The following THSD7A variants were observed in gnomAD, a reference collection of about 807,000 sequenced individuals.
The protein encoded by THSD7A is thrombospondin type-1 domain-containing protein 7A.
In THSD7A, 96 loss-of-function variants were observed where a neutral mutation model predicts 231.3. The ratio of observed to expected loss-of-function variants is 0.41; its 90% CI spans 0.35 to 0.49. THSD7A has a LOEUF of 0.49. Ranked by LOEUF, THSD7A falls within the 20% of genes least tolerant of loss-of-function variation. The pLI is 0.05. For missense variants in THSD7A, 2,290 were observed against 2,070.2 expected (o/e 1.11, Z -2.06); for synonymous variants, 940 against 743.3 (o/e 1.26, Z -4.30).
At chr7:11,806,166 C>T (rs893758577) in intron 1 of THSD7A, among the ~76,000 whole-genome samples, 2 of 152,118 alleles carry the variant, frequency 1.3e-5, no homozygotes, top group South Asian at 2.1e-4. Context: ...GAATAATTCA[C>T]GTAAGTCTTC....
intron 6 of THSD7A, among the ~76,000 whole-genome samples, chr7:11,528,719 C>A (rs907073762): frequency 6.6e-6 from 1 of 152,096 alleles, no homozygotes; most frequent in African/African-American, 2.4e-5. Flanking sequence ...CTGTATTAAT[C>A]TTGTAGCAAG....
intron 1 of THSD7A, among the ~76,000 whole-genome samples, chr7:11,738,934 C>T (rs1782011897): frequency 3.9e-5 from 6 of 151,966 alleles, no homozygotes; most frequent in Admixed American, 3.9e-4. Flanking sequence ...TTTTAAGCCA[C>T]TAAATTCATG....
At chr7:11,658,924 T>A (rs1036425134) in intron 1 of THSD7A, among the ~76,000 whole-genome samples, 1 of 151,716 alleles carries the variant, frequency 6.6e-6, no homozygotes, top group Admixed American at 6.6e-5. Flanking sequence ...AGTGTATGCC[T>A]AAAAGGATGA....
At chr7:11,706,629 G>A (rs1289015463) in intron 1 of THSD7A, among the ~76,000 whole-genome samples, 2 of 54,396 alleles carry the variant, frequency 3.7e-5, no homozygotes, top group Non-Finnish European at 7.5e-5. Flanking sequence ...TTAACAAGGT[G>A]CTTTTTTTTT....
intron 1 of THSD7A, among the ~76,000 whole-genome samples, chr7:11,780,976 C>T (rs183242603): frequency 0.012 from 1,133 of 98,222 alleles, 15 homozygotes; most frequent in African/African-American, 0.04. Flanking sequence ...CCGGCCTGGG[C>T]GACAGAGCGA....
chr7:11,826,542 G>A (rs1197124078), intron 1 of THSD7A, among the ~76,000 whole-genome samples: 1 of 152,094 alleles, frequency 6.6e-6, no homozygotes, highest in African/African-American at 2.4e-5. Context: ...AATAAAAAGT[G>A]CAAATGTCCC....
intron 19 of THSD7A, among the ~76,000 whole-genome samples, chr7:11,410,759 T>G (rs1451513568): frequency 2.0e-5 from 3 of 152,074 alleles, no homozygotes; most frequent in Non-Finnish European, 4.4e-5. Context: ...AGTACTTAGA[T>G]GGTCACAGCT....
chr7:11,576,387 A>G (rs1365755941), intron 4 of THSD7A, among the ~76,000 whole-genome samples: 1 of 152,210 alleles, frequency 6.6e-6, no homozygotes, highest in East Asian at 1.9e-4. Context: ...ATTTTCCCAT[A>G]AAGAATATCT....
Position 11,426,672 on chromosome 7 carries a change from C to A in THSD7A, c.3244-1G>T. ...GAGGTTTAAGAGTTCTTACCTGTGC[C>A]TGGAGTGGTGTTCAACAGGAATGAT... On this transcript the variant is annotated splice_acceptor_variant, in intron 14 of 27. Transcript: ENST00000423059. LOFTEE classifies it high-confidence loss of function. 6.4e-7 allele frequency: 1 copy of A among 1,561,582 alleles called. No homozygotes were observed. Among genetic ancestry groups the A allele is most frequent in the East Asian group, 2.3e-5 (1 of 43,442 alleles).
chr7:11,567,730 C>T (rs1201134354), intron 4 of THSD7A, among the ~76,000 whole-genome samples: 1 of 152,150 alleles, frequency 6.6e-6, no homozygotes, highest in Non-Finnish European at 1.5e-5. Flanking sequence ...AGATTGCAAA[C>T]CACAGCTGTA....
At chr7:11,518,777 C>T (rs1562678649) in intron 6 of THSD7A, among the ~76,000 whole-genome samples, 1 of 152,084 alleles carries the variant, frequency 6.6e-6, no homozygotes, top group Non-Finnish European at 1.5e-5. Context: ...ACAATCAAGT[C>T]CACTGGACAA....
chr7:11,589,724 C>T (rs954815645), intron 4 of THSD7A, among the ~76,000 whole-genome samples: 1 of 152,110 alleles, frequency 6.6e-6, no homozygotes, highest in African/African-American at 2.4e-5. Flanking sequence ...TACAGTACTG[C>T]TTAAAGATGT....
rs1393119773 is a variant in THSD7A at position 11,371,654 on chromosome 7, T to C, written c.*4140A>G. On this transcript the variant is annotated 3_prime_UTR_variant, in exon 28 of 28. Transcript: ENST00000423059. ...AGTCCTCCCTCACTGTCTTGTGGTG[T>C]GGAATGTGAACAAAGACTCGAGATG... is the stretch of plus-strand genomic sequence containing the variant. 1 of 151,692 alleles carries C rather than the reference T, an allele frequency of 6.6e-6. No homozygotes were observed. Among genetic ancestry groups the C allele is most frequent in the Admixed American group, 6.6e-5 (1 of 15,194 alleles). The allele number at this position is 151,692 out of a possible 1,614,324, so 9.4% of individuals were successfully genotyped here.
At chr7:11,420,632 C>G (rs970902527) in intron 16 of THSD7A, among the ~76,000 whole-genome samples, 1 of 152,246 alleles carries the variant, frequency 6.6e-6, no homozygotes, top group Non-Finnish European at 1.5e-5. Flanking sequence ...AGAGTCCCCA[C>G]TGGGGCACTG....
At chr7:11,469,652 A>G (rs553330080) in intron 9 of THSD7A, among the ~76,000 whole-genome samples, 62 of 152,298 alleles carry the variant, frequency 4.1e-4, no homozygotes, top group African/African-American at 1.3e-3. Context: ...CTTCACTTTA[A>G]TCTATATCAT....
intron 1 of THSD7A, among the ~76,000 whole-genome samples, chr7:11,658,590 A>G (rs1782796318): frequency 6.6e-6 from 1 of 151,668 alleles, no homozygotes; most frequent in Non-Finnish European, 1.5e-5. Flanking sequence ...CACTGCCCCT[A>G]AGATTTGAAA....
chr7:11,807,256 A>G lies in THSD7A; in HGVS notation c.190+24501T>C, dbSNP rs181258481. ...TCACATGATACAAACCTAGTACTAA[A>G]ACCTGTGAGGGACTGGGTGTGCAAA... is the stretch of plus-strand genomic sequence containing the variant. On this transcript the variant is annotated intron_variant, in intron 1 of 27. Coordinates refer to ENST00000423059, the MANE Select transcript of THSD7A (RefSeq NM_015204.3). Among the ~76,000 whole-genome samples the G allele has an allele frequency of 7.9e-5, 12 of 152,256 alleles. 1 individual carries two copies. Among genetic ancestry groups the G allele is most frequent in the Admixed American group, 7.2e-4 (11 of 15,266 alleles).
rs533688379 is a variant in THSD7A at position 11,529,685 on chromosome 7, G to C, written c.1822+11734C>G. On this transcript the variant is annotated intron_variant, in intron 6 of 27. Transcript: ENST00000423059. ...CCATGATTGTAAGTTTTCTGAGTGA[G>C]GCCTCTTCAGCCATGTAGAACTATG... 5.3e-5 allele frequency among the ~76,000 whole-genome samples: 8 copies of C among 152,158 alleles called. No individual in the cohort carries two copies. In the South Asian group the frequency reaches 1.7e-3, roughly 32 times the overall value.
intron 1 of THSD7A, among the ~76,000 whole-genome samples, chr7:11,822,284 T>C (rs1378052007): frequency 2.0e-5 from 3 of 152,138 alleles, no homozygotes; most frequent in African/African-American, 7.2e-5. Flanking sequence ...CACTTATGAA[T>C]CAGAATATGT....
Sources: gnomAD v4.1 joint callset for allele counts (sites outside exome capture counted in the v4.1 genomes callset) on GRCh38, gnomAD v4.1.1 for gene constraint, MANE v1.5 for transcripts, NCBI Gene and HGNC (gene_info 2026-07-23, HGNC 2026-07-21) for gene names.